Variants in ADCK1 observed in about 807,000 individuals in gnomAD.
The protein encoded by ADCK1 is aarF domain containing kinase 1.
Under a neutral mutation model 52.3 loss-of-function variants are expected in ADCK1, and 41 were observed. The ratio of observed to expected loss-of-function variants is 0.78; its 90% CI spans 0.61 to 1.02. The LOEUF (loss-of-function observed/expected upper bound fraction) is 1.02. ADCK1 is among the 50% of genes least tolerant of loss of function. The probability of loss-of-function intolerance (pLI) is 0.00; values close to 1 mark genes in which losing one functional copy is unlikely to be tolerated. For missense variants in ADCK1, 658 were observed against 679.5 expected, an observed-to-expected ratio of 0.97 and a Z score of 0.35; for synonymous variants, 250 against 274.6, an observed-to-expected ratio of 0.91 and a Z score of 0.89.
intron 3 of ADCK1, among the ~76,000 whole-genome samples, chr14:77,858,848 G>C (rs2082479422): frequency 6.6e-6 from 1 of 152,158 alleles, no homozygotes; most frequent in African/African-American, 2.4e-5. Flanking sequence ...GAAGCACTGG[G>C]CCGTGTTTGA....
chr14:77,926,907 A>G (rs2084210447), intron 9 of ADCK1, among the ~76,000 whole-genome samples: 1 of 152,104 alleles, frequency 6.6e-6, no homozygotes, highest in Non-Finnish European at 1.5e-5. Flanking sequence ...AGCCTCCAGA[A>G]TTGGCTGCTG....
At chr14:77,804,473 A>G (rs1284576134) in intron 1 of ADCK1, among the ~76,000 whole-genome samples, 1 of 151,970 alleles carries the variant, frequency 6.6e-6, no homozygotes, top group African/African-American at 2.4e-5. Flanking sequence ...CAGGGTTTCG[A>G]GAGTTGTGTC....
chr14:77,924,309 C>T (rs2084132002), intron 7 of ADCK1, 148 bp from the exon 8 acceptor site: 2 of 977,060 alleles, frequency 2.0e-6, no homozygotes. Flanking sequence ...AGTATGTCAT[C>T]TCAAACAATC....
At chr14:77,912,650 G>A (rs553632474) in intron 7 of ADCK1, among the ~76,000 whole-genome samples, 1 of 152,082 alleles carries the variant, frequency 6.6e-6, no homozygotes, top group Admixed American at 6.5e-5. Flanking sequence ...AGTGACAGGG[G>A]CGAAAGTCTT....
intron 1 of ADCK1, among the ~76,000 whole-genome samples, chr14:77,817,442 C>T (rs994530899): frequency 6.6e-6 from 1 of 152,138 alleles, no homozygotes; most frequent in Non-Finnish European, 1.5e-5. Context: ...CTGGCAGCTG[C>T]AGCTGTGGTC....
intron 4 of ADCK1, among the ~76,000 whole-genome samples, chr14:77,861,492 G>A (rs2082546974): frequency 6.6e-6 from 1 of 152,088 alleles, no homozygotes; most frequent in Admixed American, 6.5e-5. Flanking sequence ...TCGGGGAGCA[G>A]TCTCGCCTCC....
chr14:77,844,886 G>T (rs1198598734), intron 3 of ADCK1, among the ~76,000 whole-genome samples: 3 of 152,234 alleles, frequency 2.0e-5, no homozygotes, highest in Admixed American at 2.0e-4. Flanking sequence ...TCTGAGTGCA[G>T]GTTGGAGAAT....
At chr14:77,814,020 G>A (rs910257001) in intron 1 of ADCK1, among the ~76,000 whole-genome samples, 4 of 151,912 alleles carry the variant, frequency 2.6e-5, no homozygotes, top group Non-Finnish European at 5.9e-5. Context: ...CGCCTGCCTC[G>A]GCCTCCCAAA....
intron 5 of ADCK1, among the ~76,000 whole-genome samples, chr14:77,888,446 A>T (rs1270350507): frequency 6.6e-6 from 1 of 152,148 alleles, no homozygotes; most frequent in African/African-American, 2.4e-5. Context: ...GTGGGGAACC[A>T]TTTAAGAATT....
intron 9 of ADCK1, 43 bp from the exon 10 acceptor site, chr14:77,931,475 C>T (rs1178732035): frequency 6.3e-7 from 1 of 1,590,122 alleles, no homozygotes; most frequent in East Asian, 2.2e-5. Flanking sequence ...GGCCCCACTG[C>T]CCATACCAAC....
chr14:77,915,433 T>G (rs929701505), intron 7 of ADCK1, among the ~76,000 whole-genome samples: 3 of 145,214 alleles, frequency 2.1e-5, no homozygotes, highest in Non-Finnish European at 1.5e-5. Flanking sequence ...GAGTGATAAA[T>G]TATGCTGCTA....
intron 6 of ADCK1, among the ~76,000 whole-genome samples, chr14:77,901,240 G>A (rs1595056619): frequency 2.6e-5 from 4 of 151,290 alleles, no homozygotes; most frequent in Admixed American, 1.3e-4. Flanking sequence ...TAGTAGAGAT[G>A]GGGTTTCACC....
At chr14:77,817,724 A>C (rs1261822282) in intron 1 of ADCK1, among the ~76,000 whole-genome samples, 2 of 151,810 alleles carry the variant, frequency 1.3e-5, no homozygotes, top group East Asian at 3.9e-4. Context: ...TCCATTCAAG[A>C]CAAGGGGTAG....
At chr14:77,886,126 T>G (rs1209177011) in intron 4 of ADCK1, among the ~76,000 whole-genome samples, 1 of 152,242 alleles carries the variant, frequency 6.6e-6, no homozygotes, top group African/African-American at 2.4e-5. Flanking sequence ...AGAGCAAAGT[T>G]CTGGCTTGCA....
intron 6 of ADCK1, among the ~76,000 whole-genome samples, chr14:77,903,505 G>A (rs1359995456): frequency 1.3e-5 from 2 of 152,250 alleles, no homozygotes; most frequent in Non-Finnish European, 2.9e-5. Flanking sequence ...GACTGGGAGA[G>A]GGTGAGGGGG....
At position 77,882,959 on chromosome 14, in the gene ADCK1, C is replaced by G. The variant is rs957704979; in HGVS notation, c.424-4132C>G. Reference sequence around the variant, plus strand: ...ATGACACATTTTTTCTTACACCACCCCCCCCCCCGTGCTTTTTTGCTCATT... The same window carrying G: ...ATGACACATTTTTTCTTACACCACCGCCCCCCCCGTGCTTTTTTGCTCATT... On this transcript the variant is annotated intron_variant, in intron 4 of 10. Transcript: ENST00000238561. Among the ~76,000 whole-genome samples, 29 of 96,908 alleles carry G rather than the reference C, an allele frequency of 3.0e-4. 1 individual carries two copies. Among genetic ancestry groups the G allele is most frequent in the Admixed American group, 2.2e-3 (20 of 8,978 alleles). The allele number at this position is 96,908 out of a possible 152,430, so 63.6% of individuals were successfully genotyped here.
intron 3 of ADCK1, among the ~76,000 whole-genome samples, chr14:77,826,904 G>A (rs1490618898): frequency 3.9e-5 from 6 of 152,168 alleles, no homozygotes; most frequent in Non-Finnish European, 8.8e-5. Flanking sequence ...ACCAGAGCCA[G>A]TTCTGGCCAG....
chr14:77,864,634 AATGTGTGT>A (rs2082623559), intron 4 of ADCK1, among the ~76,000 whole-genome samples: 1 of 71,540 alleles, frequency 1.4e-5, no homozygotes, highest in Admixed American at 1.5e-4. Context: ...ATAGGATATG[AATGTGTGT>A]GTGTGTGTGT....
At chr14:77,807,805 G>A (rs894721723) in intron 1 of ADCK1, among the ~76,000 whole-genome samples, 1 of 152,090 alleles carries the variant, frequency 6.6e-6, no homozygotes, top group East Asian at 1.9e-4. Context: ...CACCATGCCC[G>A]GCAATTTTTG....
Sources: allele counts gnomAD v4.1 joint callset (sites outside exome capture counted in the v4.1 genomes callset), GRCh38; gene constraint gnomAD v4.1.1; transcripts MANE v1.5; gene names NCBI Gene and HGNC (gene_info 2026-07-23, HGNC 2026-07-21).